Variants in SKOR1 observed in about 807,000 individuals in gnomAD.
The protein encoded by SKOR1 is LBX1 corepressor 1.
SKOR1 carries 38 observed loss-of-function variants against 72.4 expected under a neutral mutation model. The observed-to-expected ratio is 0.52, with a 90% CI of 0.40 to 0.69. The LOEUF is 0.69. SKOR1 is among the 30% of genes least tolerant of loss of function. The pLI, the probability that SKOR1 is intolerant of heterozygous loss-of-function variation, is 0.00. For synonymous variants in SKOR1, 642 were observed against 599.4 expected (o/e 1.07, Z -1.04); for missense variants, 1,320 against 1,343.2 (o/e 0.98, Z 0.27).
At chr15:67,831,134 T>G (rs2091005326) in intron 5 of SKOR1, among the ~76,000 whole-genome samples, 1 of 152,156 alleles carries the variant, frequency 6.6e-6, no homozygotes, top group South Asian at 2.1e-4. Context: ...ATTGGAAGTT[T>G]GGGTTCCCAA....
At chr15:67,828,881 C>A (rs535922274) in intron 2 of SKOR1, among the ~76,000 whole-genome samples, 46 of 152,286 alleles carry the variant, frequency 3.0e-4, no homozygotes, top group African/African-American at 1.1e-3. Flanking sequence ...GGGGCACTGG[C>A]GGGAGGGAAA....
chr15:67,826,265 T>C lies in SKOR1; in HGVS notation c.437T>C (p.Ile146Thr). ...EILRRAGAMP[I>T]SSRRCGMITK... ...CTGCGTCGGGCCGGGGCCATGCCCA[T>C]CTCGTCGCGCCGCTGCGGCATGATC... The change falls in exon 2 of 9, where the codon ATC (isoleucine) becomes ACC (threonine). Residue 146 changes from isoleucine (I) to threonine (T), a missense_variant. Ile to Thr is a moderately conservative substitution (Grantham distance 89). Transcript: ENST00000380035. The C allele has an allele frequency of 6.2e-7, 1 of 1,613,164 alleles. No individual in the cohort carries two copies. Among genetic ancestry groups the C allele is most frequent in the East Asian group, 2.2e-5 (1 of 44,878 alleles).
rs1186618108 is a variant in SKOR1, at chr15:67,825,769, T to G, written c.107+60T>G. ...GGGGCTGTTGTTAACGGCGCCAACA[T>G]GGGTCTGAGTAACAAAAGACGCCTG... On this transcript the variant is annotated intron_variant, in intron 1 of 8. Transcript: ENST00000380035. This position sits in a 1 kb window ranked among gnomAD's most constrained non-coding sequence, Gnocchi z 5.6. 3.1e-6 allele frequency: 4 copies of G among 1,277,532 alleles called. No homozygotes were observed. Among genetic ancestry groups the G allele is most frequent in the Non-Finnish European group, 4.5e-6 (4 of 894,476 alleles). 79.1% of individuals were successfully genotyped at this position (1,277,532 alleles called of 1,614,324 possible). A position where few individuals can be genotyped will look rare whatever the true frequency, so the allele number is the denominator to read the frequency against.
rs764292462 is a variant in SKOR1, at chr15:67,827,260, G to A, written c.1432G>A (p.Ala478Thr). 8 of 1,574,932 alleles carry A rather than the reference G, an allele frequency of 5.1e-6. No individual in the cohort carries two copies. Among genetic ancestry groups the A allele is most frequent in the Non-Finnish European group, 6.8e-6 (8 of 1,169,264 alleles). Reference protein sequence around the residue: ...AAKDAAAVAAAAAAATVYPTF... With the variant: ...AAKDAAAVAATAAAATVYPTF... ...CAAGGACGCAGCGGCAGTGGCTGCA[G>A]CGGCCGCCGCCGCCACTGTGTACCC... The change falls in exon 2 of 9, where the codon GCG (alanine) becomes ACG (threonine). Residue 478 changes from alanine to threonine, a missense_variant. Physicochemically the swap from Ala to Thr is moderately conservative, Grantham distance 58. This residue lies in a region of SKOR1 where 1,099 missense variants were observed against 1,025.5 expected (regional missense o/e 1.07). Coordinates refer to ENST00000380035, the MANE Select transcript of SKOR1 (RefSeq NM_001365915.1).
Position 67,827,379 on chromosome 15 carries a change from GGCGGCGGCA to G in SKOR1, c.1560_1568del (p.Ala526_Ala528del). On this transcript the variant is annotated inframe_deletion, in exon 2 of 9. Coordinates refer to ENST00000380035, the MANE Select transcript of SKOR1 (RefSeq NM_001365915.1). ...AAGCCAAGGCCGTGGCGGCAGCCGT[GGCGGCGGCA>G]GCGGCGGCGGCAGCGGCAGCTGCTG... 1 of 1,559,782 alleles carries G rather than the reference GGCGGCGGCA, an allele frequency of 6.4e-7. No homozygotes were observed. Among genetic ancestry groups the G allele is most frequent in the Non-Finnish European group, 8.6e-7 (1 of 1,162,418 alleles).
chr15:67,831,905 G>GT (rs113112763), intron 5 of SKOR1, among the ~76,000 whole-genome samples: 3 of 139,340 alleles, frequency 2.2e-5, no homozygotes, highest in Non-Finnish European at 3.0e-5. Context: ...CGGCGGTGCG[G>GT]GGGGGGGAGG....
rs2090961563 is a variant in SKOR1, at chr15:67,826,746, C to T, written c.918C>T (p.Gly306=). 2 of 1,536,684 alleles carry T rather than the reference C, an allele frequency of 1.3e-6. No homozygotes were observed. Among genetic ancestry groups the T allele is most frequent in the African/African-American group, 1.4e-5 (1 of 72,968 alleles). ...GQGKGGAGGG[G]GGGPGCGAEM... ...GGAAGGGTGGTGCTGGCGGCGGTGG[C>T]GGCGGTGGCCCAGGGTGCGGTGCAG... Residue 306 remains glycine (G), a synonymous_variant, in exon 2 of 9, where the codon GGC becomes GGT. Transcript: ENST00000380035.
chr15:67,829,225 C>A lies in SKOR1; in HGVS notation c.2363C>A (p.Ala788Glu). 1.9e-6 allele frequency: 3 copies of A among 1,573,702 alleles called. No individual in the cohort carries two copies. Among genetic ancestry groups the A allele is most frequent in the Non-Finnish European group, 2.6e-6 (3 of 1,167,372 alleles). Residue 788 changes from alanine to glutamate, a missense_variant, in exon 3 of 9, where the codon GCG becomes GAG. Ala to Glu is a moderately radical substitution (Grantham distance 107). Coordinates refer to ENST00000380035, the MANE Select transcript of SKOR1 (RefSeq NM_001365915.1). The stretch of plus-strand genomic sequence containing the variant: ...GAGCACGTGAAGAGCGCGGCGGTGG[C>A]GCTGGGGCCCGCGGCCTCCTACGTC... ...RDEHVKSAAV[A>E]LGPAASYVCT... is the part of the protein sequence containing the mutation.
chr15:67,827,295 C>T lies in SKOR1; in HGVS notation c.1467C>T (p.Pro489=). 1 of 1,589,534 alleles carries T rather than the reference C, an allele frequency of 6.3e-7. No individual in the cohort carries two copies. Residue 489 remains proline, a synonymous_variant, in exon 2 of 9, where the codon CCC becomes CCT. Transcript: ENST00000380035. ...CCGCCACTGTGTACCCGACGTTTCC[C>T]ATGTTCTGGCCAGCAGCAGGCAGCC... ...AAAATVYPTF[P]MFWPAAGSLP...
Position 67,833,341 on chromosome 15 carries a change from G to A in SKOR1, c.2803+84G>A, listed in dbSNP as rs557395583. The A allele has an allele frequency of 2.4e-5, 33 of 1,377,042 alleles. No homozygotes were observed. Among genetic ancestry groups the A allele is most frequent in the Admixed American group, 1.6e-4 (9 of 56,876 alleles). The allele number at this position is 1,377,042 out of a possible 1,614,324, so 85.3% of individuals were successfully genotyped here. The stretch of plus-strand genomic sequence containing the variant: ...TGAATGAATGAATAGTGGGACTAGT[G>A]AGGAAGGCCACGATCCACGTGGATC... On this transcript the variant is annotated intron_variant, in intron 8 of 8. Coordinates refer to ENST00000380035, the MANE Select transcript of SKOR1 (RefSeq NM_001365915.1). This position sits in a 1 kb window ranked among gnomAD's most constrained non-coding sequence, Gnocchi z 6.0.
Position 67,833,212 on chromosome 15 carries a change from G to C in SKOR1, c.2758G>C (p.Asp920His), listed in dbSNP as rs2091022196. 6.2e-7 allele frequency: 1 copy of C among 1,614,042 alleles called. No homozygotes were observed. Among genetic ancestry groups the C allele is most frequent in the Non-Finnish European group, 8.5e-7 (1 of 1,180,018 alleles). ...IVRDTLCNEL[D>H]QERKARYAIQ... is the part of the protein sequence containing the mutation. ...TCCAGATACCCTGTGTAACGAACTC[G>C]ACCAGGAGCGGAAGGCGCGCTATGC... Residue 920 changes from aspartate (D) to histidine (H), a missense_variant, in exon 8 of 9, where the codon GAC becomes CAC. Physicochemically the swap from Asp to His is moderately conservative, Grantham distance 81 (BLOSUM62 -1). Around this residue, in one of 3 missense-constraint regions of SKOR1, gnomAD observed 1,099 missense variants for 1,025.5 expected, o/e 1.07. Coordinates refer to ENST00000380035, the MANE Select transcript of SKOR1 (RefSeq NM_001365915.1). This position sits in a 1 kb window ranked among gnomAD's most constrained non-coding sequence, Gnocchi z 6.0.
At chr15:67,829,016 G>A (rs543027863) in intron 2 of SKOR1, among the ~76,000 whole-genome samples, 163 bp from the exon 3 acceptor site, 2 of 152,192 alleles carry the variant, frequency 1.3e-5, no homozygotes, top group Admixed American at 1.3e-4. Flanking sequence ...CTACAAGGGG[G>A]CAAGGGTGCG....
intron 2 of SKOR1, among the ~76,000 whole-genome samples, chr15:67,828,423 T>A (rs2090982958): frequency 6.6e-6 from 1 of 152,098 alleles, no homozygotes; most frequent in East Asian, 1.9e-4. Flanking sequence ...GGAGACCGGC[T>A]GAGACTGCCA....
intron 5 of SKOR1, among the ~76,000 whole-genome samples, chr15:67,831,580 C>T (rs1409283872): frequency 1.3e-5 from 2 of 152,198 alleles, no homozygotes; most frequent in East Asian, 3.9e-4. Context: ...ACATCTATCC[C>T]TCTGGAGTTG....
intron 5 of SKOR1, among the ~76,000 whole-genome samples, chr15:67,831,361 C>T (rs1442427916): frequency 1.3e-5 from 2 of 152,188 alleles, no homozygotes; most frequent in Non-Finnish European, 2.9e-5. Flanking sequence ...CTCCACCTTA[C>T]CCTAAATGGA....
chr15:67,827,242 G>T lies in SKOR1; in HGVS notation c.1414G>T (p.Ala472Ser). 1 of 1,575,016 alleles carries T rather than the reference G, an allele frequency of 6.3e-7. No individual in the cohort carries two copies. The highest frequency in any genetic ancestry group is 1.1e-5 in the South Asian group (1 of 88,514). ...GHQPSGAAKD[A>S]AAVAAAAAAA... ...TCAACCCTCCGGGGCAGCCAAGGAC[G>T]CAGCGGCAGTGGCTGCAGCGGCCGC... The change falls in exon 2 of 9, where the codon GCA becomes TCA. Residue 472 changes from alanine (A) to serine (S), a missense_variant. Ala to Ser is a moderately conservative substitution (Grantham distance 99). Transcript: ENST00000380035.
rs986512173 is a variant in SKOR1 at position 67,826,877 on chromosome 15, T to G, written c.1049T>G (p.Leu350Arg). Residue 350 changes from leucine to arginine, a missense_variant, in exon 2 of 9, where the codon CTG (leucine) becomes CGG (arginine). Leu to Arg is a moderately radical substitution (Grantham distance 102). This residue lies in a region of SKOR1 where 1,099 missense variants were observed against 1,025.5 expected (regional missense o/e 1.07). Transcript: ENST00000380035. Reference sequence around the variant, plus strand: ...CCCCACCCGCAGCGCGGACTTGGCCTGGCGACTGGAGCTAGTGGCCCGGCG... The same window carrying G: ...CCCCACCCGCAGCGCGGACTTGGCCGGGCGACTGGAGCTAGTGGCCCGGCG... ...PPPHPQRGLG[L>R]ATGASGPAGP... 2 of 1,540,924 alleles carry G rather than the reference T, an allele frequency of 1.3e-6. No homozygotes were observed. Among genetic ancestry groups the G allele is most frequent in the African/African-American group, 2.8e-5 (2 of 72,726 alleles).
chr15:67,827,650 C>T lies in SKOR1; in HGVS notation c.1822C>T (p.Leu608Phe). Residue 608 changes from leucine to phenylalanine, a missense_variant, in exon 2 of 9, where the codon CTC (leucine) becomes TTC (phenylalanine). Transcript: ENST00000380035. ...VVKDTESIAK[L>F]YGSAREAYGA... ...CAAGGACACCGAGAGCATCGCTAAGCTCTACGGGAGCGCCCGGGAGGCGTA... is the reference window on the plus strand; with the variant it reads ...CAAGGACACCGAGAGCATCGCTAAGTTCTACGGGAGCGCCCGGGAGGCGTA... 6.5e-7 allele frequency: 1 copy of T among 1,532,948 alleles called. No individual in the cohort carries two copies. The highest frequency in any genetic ancestry group is 8.7e-7 in the Non-Finnish European group (1 of 1,144,052). 95.0% of individuals were successfully genotyped at this position (1,532,948 alleles called of 1,614,324 possible).
chr15:67,830,883 G>A lies in SKOR1; in HGVS notation c.2581G>A (p.Ala861Thr). 1 of 1,614,154 alleles carries A rather than the reference G, an allele frequency of 6.2e-7. No individual in the cohort carries two copies. The highest frequency in any genetic ancestry group is 8.5e-7 in the Non-Finnish European group (1 of 1,180,002). ...HLVEKDIENL[A>T]REELQKLLLE... The stretch of plus-strand genomic sequence containing the variant: ...GGTGGAGAAAGATATCGAGAACCTG[G>A]CCAGAGGTGAGGATAAATTTGTGAA... Residue 861 changes from alanine (A) to threonine (T), a missense_variant, in exon 5 of 9, where the codon GCC becomes ACC. Around this residue, in one of 3 missense-constraint regions of SKOR1, gnomAD observed 1,099 missense variants for 1,025.5 expected, o/e 1.07. Coordinates refer to ENST00000380035, the MANE Select transcript of SKOR1 (RefSeq NM_001365915.1).
Sources: gnomAD v4.1 joint callset for allele counts (sites outside exome capture counted in the v4.1 genomes callset) on GRCh38, gnomAD v4.1.1 for gene constraint, gnomAD v4.1.1 regional missense constraint, Gnocchi (gnomAD v3.1) non-coding constraint, MANE v1.5 for transcripts, NCBI Gene and HGNC (gene_info 2026-07-23, HGNC 2026-07-21) for gene names.